METTL2B: variants seen among roughly 807,000 people sequenced by gnomAD.
METTL2B encodes the protein methyltransferase 2B, tRNA N3-cytidine.
Under a neutral mutation model 51.0 loss-of-function variants are expected in METTL2B, and 28 were observed. That is an observed-to-expected ratio of 0.55 (90% CI 0.41 to 0.75). The LOEUF is 0.75. Ranked by LOEUF, METTL2B falls within the 30% of genes least tolerant of loss-of-function variation. The pLI, the probability that METTL2B is intolerant of heterozygous loss-of-function variation, is 0.00. For synonymous variants in METTL2B, 128 were observed against 166.3 expected, an observed-to-expected ratio of 0.77 and a Z score of 1.77; for missense variants, 313 against 460.7, an observed-to-expected ratio of 0.68 and a Z score of 2.93.
At chr7:128,482,125 A>T (rs1287474487) in intron 4 of METTL2B, among the ~76,000 whole-genome samples, 2 of 152,226 alleles carry the variant, frequency 1.3e-5, no homozygotes, top group East Asian at 3.8e-4. Context: ...CATCTCATTA[A>T]CATAAATTCA....
rs757893399 is a variant in METTL2B at position 128,476,846 on chromosome 7, T to G, written c.81T>G (p.Asp27Glu). The G allele has an allele frequency of 6.2e-7, 1 of 1,613,918 alleles. No homozygotes were observed. The highest frequency in any genetic ancestry group is 1.3e-5 in the African/African-American group (1 of 74,892). ...RQQFGSRFLSDPARVFHHNAW... is the reference protein window; with the variant it reads ...RQQFGSRFLSEPARVFHHNAW... Reference sequence around the variant, plus strand: ...AGTTCGGAAGCCGGTTCCTGAGCGATCCGGCGCGCGTCTTCCACCACAATG... The same window carrying G: ...AGTTCGGAAGCCGGTTCCTGAGCGAGCCGGCGCGCGTCTTCCACCACAATG... Residue 27 changes from aspartate to glutamate, a missense_variant, in exon 1 of 9, where the codon GAT becomes GAG. This residue lies in a region of METTL2B where 66 missense variants were observed against 58.2 expected (regional missense o/e 1.13). Transcript: ENST00000262432.
At chr7:128,490,325 C>T (rs1321362653) in intron 5 of METTL2B, among the ~76,000 whole-genome samples, 6 of 131,840 alleles carry the variant, frequency 4.6e-5, no homozygotes, top group Non-Finnish European at 4.8e-5. Context: ...TCAGGCTTCA[C>T]TTTTTTTTTT....
Position 128,502,060 on chromosome 7 carries a change from T to C in METTL2B, c.*144T>C, listed in dbSNP as rs1427140999. The C allele has an allele frequency of 5.0e-6, 6 of 1,202,360 alleles. No individual in the cohort carries two copies. Among genetic ancestry groups the C allele is most frequent in the Non-Finnish European group, 6.9e-6 (6 of 870,210 alleles). 74.5% of individuals were successfully genotyped at this position (1,202,360 alleles called of 1,614,324 possible). On this transcript the variant is annotated 3_prime_UTR_variant, in exon 9 of 9. Transcript: ENST00000262432. ...AGGGAGGATCCATTGAGCCCAGGAG[T>C]CCAGCCTGGGCAAAATAGCGAGAGA... is the stretch of plus-strand genomic sequence containing the variant.
chr7:128,480,536 C>T, intron 3 of METTL2B, 111 bp from the exon 4 acceptor site: 1 of 1,531,016 alleles, frequency 6.5e-7, no homozygotes. Flanking sequence ...ACTACACCTT[C>T]CCTAATACAG....
intron 6 of METTL2B, 147 bp downstream of exon 6, chr7:128,494,090 T>A: frequency 9.1e-7 from 1 of 1,095,614 alleles, no homozygotes; most frequent in Non-Finnish European, 1.3e-6. Flanking sequence ...TCTCTTGAGC[T>A]TAAATGATCC....
At chr7:128,494,056 G>C (rs533793838) in intron 6 of METTL2B, 113 bp downstream of exon 6, 1 of 1,329,046 alleles carries the variant, frequency 7.5e-7, no homozygotes, top group Admixed American at 2.2e-5. Context: ...GCAGTGGCAC[G>C]ATCATGGCTC....
At chr7:128,494,713 C>T (rs1275108450) in intron 6 of METTL2B, among the ~76,000 whole-genome samples, 18 of 152,218 alleles carry the variant, frequency 1.2e-4, no homozygotes, top group South Asian at 2.1e-4. Context: ...CTGCAACCTC[C>T]GCCTCCCCAG....
At chr7:128,488,545 A>C in intron 5 of METTL2B, 1 of 472,418 alleles carries the variant, frequency 2.1e-6, no homozygotes, top group South Asian at 1.6e-5. Context: ...GGGTTCCACA[A>C]ATCACATCTG....
At position 128,490,349 on chromosome 7, in the gene METTL2B, A is replaced by C. The variant is rs970175464; in HGVS notation, c.669+2188A>C. ...ACTTTTTTTTTTTTTTTTTTGAGACAGGGTCTCACTGTGTTGTCCAGGCTG... is the reference window on the plus strand; with the variant it reads ...ACTTTTTTTTTTTTTTTTTTGAGACCGGGTCTCACTGTGTTGTCCAGGCTG... On this transcript the variant is annotated intron_variant, in intron 5 of 8. Transcript: ENST00000262432. Among the ~76,000 whole-genome samples the C allele has an allele frequency of 4.4e-5, 6 of 137,076 alleles. No individual in the cohort carries two copies. In the Admixed American group the frequency reaches 4.5e-4, roughly 10 times the overall value. 89.9% of individuals were successfully genotyped at this position (137,076 alleles called of 152,430 possible).
intron 4 of METTL2B, among the ~76,000 whole-genome samples, 154 bp from the exon 5 acceptor site, chr7:128,487,947 T>C (rs1481351400): frequency 6.6e-6 from 1 of 152,098 alleles, no homozygotes; most frequent in Non-Finnish European, 1.5e-5. Context: ...AAAAGGATTT[T>C]AACCAAAATG....
rs371496654 is a variant in METTL2B, at chr7:128,489,182, A to G, written c.669+1021A>G. Among the ~76,000 whole-genome samples, 9 of 152,148 alleles carry G rather than the reference A, an allele frequency of 5.9e-5. No individual in the cohort carries two copies. In the East Asian group the frequency reaches 9.7e-4, roughly 16 times the overall value. Reference sequence around the variant, plus strand: ...CAATGGCTTAACGCCTGTCATCCCAACACTTTGGGAGGCTGAGGCAGACAG... The same window carrying G: ...CAATGGCTTAACGCCTGTCATCCCAGCACTTTGGGAGGCTGAGGCAGACAG... On this transcript the variant is annotated intron_variant, in intron 5 of 8. Transcript: ENST00000262432.
intron 2 of METTL2B, chr7:128,477,925 T>A (rs1157744647): frequency 2.3e-6 from 1 of 442,220 alleles, no homozygotes; most frequent in Admixed American, 2.4e-5. Flanking sequence ...GAAAATCATG[T>A]GGTTCAATAT....
At chr7:128,485,377 T>G (rs1340610718) in intron 4 of METTL2B, among the ~76,000 whole-genome samples, 1 of 151,892 alleles carries the variant, frequency 6.6e-6, no homozygotes, top group Admixed American at 6.6e-5. Flanking sequence ...TACAAAAAAA[T>G]TAGCCGCCTG....
chr7:128,499,725 T>C (rs1792994883), intron 7 of METTL2B, among the ~76,000 whole-genome samples: 1 of 150,344 alleles, frequency 6.7e-6, no homozygotes, highest in Non-Finnish European at 1.5e-5. Flanking sequence ...TTCACCATGT[T>C]GGTCAGGCTG....
intron 4 of METTL2B, among the ~76,000 whole-genome samples, chr7:128,483,739 A>G (rs1335157865): frequency 6.6e-6 from 1 of 150,530 alleles, no homozygotes; most frequent in African/African-American, 2.5e-5. Context: ...TGATTGGTTG[A>G]TTGAGACGGA....
intron 4 of METTL2B, among the ~76,000 whole-genome samples, chr7:128,484,816 C>T (rs1266867396): frequency 6.6e-6 from 1 of 151,976 alleles, no homozygotes; most frequent in African/African-American, 2.4e-5. Flanking sequence ...CTCCTGACCT[C>T]GTGATCTGCC....
At chr7:128,483,176 T>G (rs1312485355) in intron 4 of METTL2B, 1 of 152,208 alleles carries the variant, frequency 6.6e-6, no homozygotes, top group Non-Finnish European at 1.5e-5. Context: ...CATCAATGAA[T>G]GTAAAACTGA....
chr7:128,482,272 G>C (rs1459331491), intron 4 of METTL2B, among the ~76,000 whole-genome samples: 1 of 152,106 alleles, frequency 6.6e-6, no homozygotes, highest in Admixed American at 6.5e-5. Flanking sequence ...ACCTGCCTCA[G>C]CCTCCCTAGT....
At chr7:128,476,936 A>T in intron 1 of METTL2B, 61 bp downstream of exon 1, 17 of 1,454,080 alleles carry the variant, frequency 1.2e-5, no homozygotes, top group Non-Finnish European at 1.6e-5. Context: ...GCCTCGGAGC[A>T]TTCCGAAAAG....
Sources: allele counts gnomAD v4.1 joint callset (sites outside exome capture counted in the v4.1 genomes callset), GRCh38; gene constraint gnomAD v4.1.1; regional missense constraint gnomAD v4.1.1; transcripts MANE v1.5; gene names NCBI Gene and HGNC (gene_info 2026-07-23, HGNC 2026-07-21).